The following TNFRSF11B variants were observed in gnomAD, a reference collection of about 807,000 sequenced individuals.
The protein encoded by TNFRSF11B is tumor necrosis factor receptor superfamily member 11B.
A neutral mutation model predicts 43.4 loss-of-function variants in TNFRSF11B; 16 were observed. That is an observed-to-expected ratio of 0.37 (90% CI 0.25 to 0.56). The LOEUF (loss-of-function observed/expected upper bound fraction) is 0.56, where lower values mean the gene tolerates loss of function less well. Ranked by LOEUF, TNFRSF11B falls within the 20% of genes least tolerant of loss-of-function variation. The probability of loss-of-function intolerance (pLI) is 0.80; values close to 1 mark genes in which losing one functional copy is unlikely to be tolerated. For synonymous variants in TNFRSF11B, 185 were observed against 181.8 expected, an observed-to-expected ratio of 1.02 and a Z score of -0.14; for missense variants, 444 against 490.1, an observed-to-expected ratio of 0.91 and a Z score of 0.89.
intron 3 of TNFRSF11B, among the ~76,000 whole-genome samples, chr8:118,928,487 G>T (rs1812277802): frequency 6.6e-6 from 1 of 152,190 alleles, no homozygotes; most frequent in Non-Finnish European, 1.5e-5. Flanking sequence ...TTGCCTATGG[G>T]CAAGATTTGA....
At position 118,926,632 on chromosome 8, in the gene TNFRSF11B, A is replaced by C. The variant is rs1812249690; in HGVS notation, c.679T>G (p.Leu227Val). 1.2e-6 allele frequency: 2 copies of C among 1,614,118 alleles called. No homozygotes were observed. Among genetic ancestry groups the C allele is most frequent in the East Asian group, 4.5e-5 (2 of 44,878 alleles). The part of the protein sequence containing the change: ...PNWLSVLVDN[L>V]PGTKVNAESV... ...TCTGCGTTTACTTTGGTGCCAGGCAAATTGTCTACCAAGACACTAAGCCAG... is the reference window on the plus strand; with the variant it reads ...TCTGCGTTTACTTTGGTGCCAGGCACATTGTCTACCAAGACACTAAGCCAG... The change falls in exon 4 of 5, where the codon TTG (leucine) becomes GTG (valine). Residue 227 changes from leucine (L) to valine (V), a missense_variant. By Grantham distance (32) the Leu-to-Val change is conservative. Coordinates refer to ENST00000297350, the MANE Select transcript of TNFRSF11B (RefSeq NM_002546.4).
intron 4 of TNFRSF11B, among the ~76,000 whole-genome samples, chr8:118,925,723 T>A (rs1812237268): frequency 6.6e-6 from 1 of 152,192 alleles, no homozygotes; most frequent in Non-Finnish European, 1.5e-5. Flanking sequence ...AAACTCTTCT[T>A]CCTTTTTCTT....
In TNFRSF11B at chr8:118,924,681, T is replaced by C. The variant is rs1265370855; in HGVS notation, c.899A>G (p.Glu300Gly). 6 of 1,614,216 alleles carry C rather than the reference T, an allele frequency of 3.7e-6. No individual in the cohort carries two copies. Among genetic ancestry groups the C allele is most frequent in the Non-Finnish European group, 5.1e-6 (6 of 1,180,048 alleles). The change falls in exon 5 of 5, where the codon GAA (glutamate) becomes GGA (glycine). Residue 300 changes from glutamate (E) to glycine (G), a missense_variant. Coordinates refer to ENST00000297350, the MANE Select transcript of TNFRSF11B (RefSeq NM_002546.4). ...LTFEQLRSLM[E>G]SLPGKKVGAE... ...TCCCACTTTCTTTCCCGGTAAGCTT[T>C]CCATCAAGCTACGAAGCTGCTCGAA...
rs1812649103 is a variant in TNFRSF11B at position 118,951,714 on chromosome 8, T to C, written c.30+78A>G. On this transcript the variant is annotated intron_variant, in intron 1 of 4. Transcript: ENST00000297350. ...GCGAGTGGAGCCTTCTCCCCGCCGG[T>C]CCGCTGGGAGGTTGGGAGACCAGGT... The C allele has an allele frequency of 2.9e-6, 4 of 1,392,168 alleles. No homozygotes were observed. In the South Asian group the frequency reaches 3.7e-5, roughly 13 times the overall value. The allele number at this position is 1,392,168 out of a possible 1,614,324, so 86.2% of individuals were successfully genotyped here. A position where few individuals can be genotyped will look rare whatever the true frequency, so the allele number is the denominator to read the frequency against.
At chr8:118,926,396 G>A (rs11573931) in intron 4 of TNFRSF11B, 98 bp downstream of exon 4, 31,185 of 1,137,128 alleles carry the variant, frequency 0.027, 557 homozygotes, top group Non-Finnish European at 0.035. Flanking sequence ...AGGGAAACAA[G>A]ATCCACACAA....
At position 118,939,118 on chromosome 8, in the gene TNFRSF11B, T is replaced by A. The variant is rs548523799; in HGVS notation, c.31-5818A>T. Among the ~76,000 whole-genome samples the A allele has an allele frequency of 3.9e-5, 6 of 152,298 alleles. No homozygotes were observed. The South Asian group carries it at 1.0e-3, about 26-fold the overall frequency. ...TTCGTCTTAGCCAAGAAAGGAAACA[T>A]CCAGGATATATACTATGGTGAATTT... On this transcript the variant is annotated intron_variant, in intron 1 of 4. Transcript: ENST00000297350.
chr8:118,951,831 C>T lies in TNFRSF11B; in HGVS notation c.-10G>A, dbSNP rs752426445. 100 of 1,587,426 alleles carry T rather than the reference C, an allele frequency of 6.3e-5. No homozygotes were observed. The Middle Eastern group carries it at 9.9e-4, about 16-fold the overall frequency. On this transcript the variant is annotated 5_prime_UTR_variant, in exon 1 of 5. Transcript: ENST00000297350. ...ACAGCAAGTTGTTCATTGTGGTCCCCGGAAACCTCAGGGGCTTGGAGGCGG... is the reference window on the plus strand; with the variant it reads ...ACAGCAAGTTGTTCATTGTGGTCCCTGGAAACCTCAGGGGCTTGGAGGCGG...
chr8:118,951,589 C>T (rs972515134), intron 1 of TNFRSF11B, among the ~76,000 whole-genome samples: 6 of 152,186 alleles, frequency 3.9e-5, no homozygotes, highest in Non-Finnish European at 7.3e-5. Flanking sequence ...ATAAAGTCAG[C>T]AGGAACTTTG....
intron 1 of TNFRSF11B, among the ~76,000 whole-genome samples, chr8:118,934,514 G>GGGGAAAGAGGATTTCAT (rs1812375565): frequency 6.6e-6 from 1 of 152,200 alleles, no homozygotes; most frequent in Non-Finnish European, 1.5e-5. Context: ...CTGTGCAGTA[G>GGGGAAAGAGGATTTCAT]GGGAAAGAGG....
intron 4 of TNFRSF11B, among the ~76,000 whole-genome samples, chr8:118,925,876 C>A (rs1812238912): frequency 6.6e-6 from 1 of 152,198 alleles, no homozygotes; most frequent in Non-Finnish European, 1.5e-5. Flanking sequence ...CTCTCTCACA[C>A]CATTTCTAAA....
chr8:118,925,615 G>C (rs1036380202), intron 4 of TNFRSF11B, among the ~76,000 whole-genome samples: 7 of 152,210 alleles, frequency 4.6e-5, no homozygotes, highest in Non-Finnish European at 1.0e-4. Context: ...CCCGGTTTCA[G>C]ATACTTGAAG....
chr8:118,951,869 C>T lies in TNFRSF11B; in HGVS notation c.-48G>A. On this transcript the variant is annotated 5_prime_UTR_variant, in exon 1 of 5. Coordinates refer to ENST00000297350, the MANE Select transcript of TNFRSF11B (RefSeq NM_002546.4). ...GGCTTGGAGGCGGCGGCTGGGCGAG[C>T]GCTCCGGTGCGTCTCCGCAGCCCGT... 1 of 1,531,986 alleles carries T rather than the reference C, an allele frequency of 6.5e-7. No individual in the cohort carries two copies. The highest frequency in any genetic ancestry group is 8.9e-7 in the Non-Finnish European group (1 of 1,126,186). The allele number at this position is 1,531,986 out of a possible 1,614,324, so 94.9% of individuals were successfully genotyped here. A position where few individuals can be genotyped will look rare whatever the true frequency, so the allele number is the denominator to read the frequency against.
At chr8:118,937,416 C>T (rs898420801) in intron 1 of TNFRSF11B, among the ~76,000 whole-genome samples, 1 of 152,174 alleles carries the variant, frequency 6.6e-6, no homozygotes. Flanking sequence ...CCTTCCATTC[C>T]CTCTGTAAAA....
chr8:118,925,996 C>T (rs372043819), intron 4 of TNFRSF11B, among the ~76,000 whole-genome samples: 105 of 152,336 alleles, frequency 6.9e-4, no homozygotes, highest in African/African-American at 2.4e-3. Flanking sequence ...ATTCTCATAA[C>T]ATATGCCATT....
intron 2 of TNFRSF11B, among the ~76,000 whole-genome samples, chr8:118,931,041 A>G (rs1812321220): frequency 6.6e-6 from 1 of 152,250 alleles, no homozygotes; most frequent in African/African-American, 2.4e-5. Context: ...GTGAAATTAT[A>G]ATGATGGAGA....
At chr8:118,951,712 G>C in intron 1 of TNFRSF11B, 80 bp downstream of exon 1, 2 of 1,389,980 alleles carry the variant, frequency 1.4e-6, no homozygotes, top group South Asian at 2.5e-5. Context: ...TCTCCCCGCC[G>C]GTCCGCTGGG....
chr8:118,927,634 G>A (rs922917344), intron 3 of TNFRSF11B, among the ~76,000 whole-genome samples: 1 of 150,202 alleles, frequency 6.7e-6, no homozygotes, highest in African/African-American at 2.5e-5. Context: ...AACAATGCTG[G>A]AACTGGGTTA....
chr8:118,925,318 C>A (rs944624231), intron 4 of TNFRSF11B, among the ~76,000 whole-genome samples: 2 of 152,140 alleles, frequency 1.3e-5, no homozygotes, highest in Non-Finnish European at 2.9e-5. Context: ...AGGGTACAAA[C>A]CTAAGAGGGA....
chr8:118,941,765 C>T (rs980191644), intron 1 of TNFRSF11B, among the ~76,000 whole-genome samples: 8 of 152,112 alleles, frequency 5.3e-5, no homozygotes, highest in Non-Finnish European at 1.2e-4. Context: ...GAAAAGAGAA[C>T]TTGTAATGCA....
Sources: allele counts gnomAD v4.1 joint callset (sites outside exome capture counted in the v4.1 genomes callset), GRCh38; gene constraint gnomAD v4.1.1; transcripts MANE v1.5; gene names NCBI Gene and HGNC (gene_info 2026-07-23, HGNC 2026-07-21).